C12orf42: variants seen among roughly 807,000 people sequenced by gnomAD.
C12orf42 encodes the protein chromosome 12 open reading frame 42, also known as uncharacterized protein C12orf42.
In C12orf42, 25 loss-of-function variants were observed where a neutral mutation model predicts 21.6. The ratio of observed to expected loss-of-function variants is 1.16; its 90% CI spans 0.84 to 1.62. The LOEUF (loss-of-function observed/expected upper bound fraction) is 1.62, where lower values mean the gene tolerates loss of function less well. C12orf42 is among the 40% of genes most tolerant of loss of function. The probability of loss-of-function intolerance (pLI) is 0.00; values close to 1 mark genes in which losing one functional copy is unlikely to be tolerated. For missense variants in C12orf42, 483 were observed against 459.3 expected (o/e 1.05, Z -0.47); for synonymous variants, 174 against 175.0 (o/e 0.99, Z 0.05).
chr12:103,427,447 C>T (rs1163421906), intron 2 of C12orf42, among the ~76,000 whole-genome samples: 2 of 151,312 alleles, frequency 1.3e-5, no homozygotes, highest in Non-Finnish European at 2.9e-5. Flanking sequence ...AATATATATG[C>T]ACCCAGTACA....
intron 1 of C12orf42, among the ~76,000 whole-genome samples, chr12:103,492,952 T>A (rs780838360): frequency 6.6e-6 from 1 of 152,178 alleles, no homozygotes; most frequent in African/African-American, 2.4e-5. Context: ...TCAGCTCTCA[T>A]CAGTTCTTTC....
chr12:103,284,848 A>T (rs1389008893), intron 4 of C12orf42, among the ~76,000 whole-genome samples: 2 of 152,172 alleles, frequency 1.3e-5, no homozygotes, highest in Non-Finnish European at 2.9e-5. Context: ...CTACTATAAT[A>T]TAAGCTGGAT....
intron 3 of C12orf42, among the ~76,000 whole-genome samples, chr12:103,389,278 T>G (rs572705421): frequency 1.6e-4 from 24 of 152,318 alleles, no homozygotes; most frequent in Non-Finnish European, 2.4e-4. Context: ...GATTCCCATT[T>G]CTTTCTGTAT....
chr12:103,494,145 C>T (rs1300076702), intron 1 of C12orf42, among the ~76,000 whole-genome samples: 1 of 152,174 alleles, frequency 6.6e-6, no homozygotes, highest in Non-Finnish European at 1.5e-5. Flanking sequence ...GTACATGAGG[C>T]ATCATTTCTC....
At chr12:103,359,194 T>A (rs56654142) in intron 4 of C12orf42, among the ~76,000 whole-genome samples, 4,632 of 152,164 alleles carry the variant, frequency 0.03, 208 homozygotes, top group African/African-American at 0.1. Flanking sequence ...TCTTTTTTTT[T>A]ATCTTTTTCT....
At chr12:103,113,833 T>C in the C12orf42 span, among the ~76,000 whole-genome samples, 1 of 152,210 alleles carries the variant, frequency 6.6e-6, no homozygotes, top group Non-Finnish European at 1.5e-5. Context: ...AGATACATGG[T>C]TTTGTGAACA....
the C12orf42 span, among the ~76,000 whole-genome samples, chr12:103,507,905 G>A: frequency 7.2e-5 from 11 of 152,114 alleles, no homozygotes; most frequent in Admixed American, 2.0e-4. Context: ...TCTGGAGGAC[G>A]TGGATGTGAC....
chr12:103,312,367 G>C (rs1418169666), intron 4 of C12orf42, among the ~76,000 whole-genome samples: 1 of 152,210 alleles, frequency 6.6e-6, no homozygotes, highest in Non-Finnish European at 1.5e-5. Flanking sequence ...AACAAAGGCT[G>C]GGCACTGACC....
chr12:103,254,524 A>G (rs1277860063), intron 10 of C12orf42, among the ~76,000 whole-genome samples: 1 of 152,208 alleles, frequency 6.6e-6, no homozygotes, highest in African/African-American at 2.4e-5. Flanking sequence ...CACATAGACC[A>G]GTGAAACAGA....
the C12orf42 span, among the ~76,000 whole-genome samples, chr12:103,524,962 T>TTGG: frequency 8.6e-5 from 2 of 23,370 alleles, no homozygotes; most frequent in East Asian, 7.1e-4. Context: ...TTAGTTTTTT[T>TTGG]GGGGGGGGGG....
the C12orf42 span, among the ~76,000 whole-genome samples, chr12:103,220,294 C>T: frequency 6.6e-6 from 1 of 152,030 alleles, no homozygotes; most frequent in Admixed American, 6.6e-5. Flanking sequence ...ATACCTAATG[C>T]AGATGACGGG....
the C12orf42 span, among the ~76,000 whole-genome samples, chr12:103,105,804 AGCTAAATATGAAGAAATTTCACAGAAT>A: frequency 6.6e-6 from 1 of 152,326 alleles, no homozygotes; most frequent in East Asian, 1.9e-4. Flanking sequence ...AATGACCTGG[AGCTAAATATGAAGAAATTTCACAGAAT>A]GCTACATAGA....
the C12orf42 span, among the ~76,000 whole-genome samples, chr12:103,113,173 C>T: frequency 1.3e-5 from 2 of 152,040 alleles, no homozygotes; most frequent in African/African-American, 4.8e-5. Flanking sequence ...TACTCTTTCT[C>T]CCTGACATTG....
intron 1 of C12orf42, among the ~76,000 whole-genome samples, chr12:103,480,657 C>T (rs1954399789): frequency 1.3e-5 from 2 of 151,448 alleles, no homozygotes; most frequent in South Asian, 4.2e-4. Context: ...TTTGAATTTG[C>T]ATTTTGATTC....
At chr12:103,491,556 T>C (rs1955187663) in intron 1 of C12orf42, among the ~76,000 whole-genome samples, 1 of 152,230 alleles carries the variant, frequency 6.6e-6, no homozygotes, top group Non-Finnish European at 1.5e-5. Context: ...ACTCTATTGT[T>C]ATCTGGCTTC....
At chr12:103,300,004 A>G (rs2037544207), downstream of C12orf42, among the ~76,000 whole-genome samples, 1 of 152,224 alleles carries the variant, frequency 6.6e-6, no homozygotes, top group Non-Finnish European at 1.5e-5. Flanking sequence ...AAGGGTCTCA[A>G]AGTGCTCTCT....
At chr12:103,154,816 C>A in the C12orf42 span, among the ~76,000 whole-genome samples, 1 of 152,114 alleles carries the variant, frequency 6.6e-6, no homozygotes, top group African/African-American at 2.4e-5. Context: ...TTGACGTAAT[C>A]TTTGCTGGCT....
intron 4 of C12orf42, among the ~76,000 whole-genome samples, chr12:103,358,076 C>A (rs183741248): frequency 2.0e-5 from 3 of 152,116 alleles, no homozygotes; most frequent in Admixed American, 2.0e-4. Flanking sequence ...GGGGTGACGA[C>A]TCCATGTTTC....
chr12:103,498,255 A>G (rs1396677032), upstream of C12orf42, among the ~76,000 whole-genome samples: 1 of 152,266 alleles, frequency 6.6e-6, no homozygotes, highest in Non-Finnish European at 1.5e-5. Flanking sequence ...TTGCCTGGGC[A>G]ATGTCATAGA....
Sources: allele counts gnomAD v4.1 joint callset (sites outside exome capture counted in the v4.1 genomes callset), GRCh38; gene constraint gnomAD v4.1.1; transcripts MANE v1.5; gene names NCBI Gene and HGNC (gene_info 2026-07-23, HGNC 2026-07-21).